XKR6: variants seen among roughly 807,000 people sequenced by gnomAD.
XKR6 encodes the protein XK related 6, also known as XK-related protein 6.
A neutral mutation model predicts 56.7 loss-of-function variants in XKR6; 22 were observed. The observed-to-expected ratio is 0.39, with a 90% CI of 0.28 to 0.55. The LOEUF is 0.55. Among genes scored for constraint, XKR6 ranks in the 20% least tolerant of loss-of-function variants. The pLI, the probability that XKR6 is intolerant of heterozygous loss-of-function variation, is 0.66. For synonymous variants in XKR6, 524 were observed against 387.8 expected (o/e 1.35, Z -4.13); for missense variants, 852 against 889.0 (o/e 0.96, Z 0.53).
intron 1 of XKR6, among the ~76,000 whole-genome samples, chr8:11,041,022 G>A (rs1376379191): frequency 1.3e-5 from 2 of 151,942 alleles, no homozygotes; most frequent in East Asian, 1.9e-4. Flanking sequence ...GGGACCTAGG[G>A]GCAATGTGGA....
At chr8:10,965,758 A>G (rs183482260) in intron 1 of XKR6, among the ~76,000 whole-genome samples, 2 of 152,328 alleles carry the variant, frequency 1.3e-5, no homozygotes, top group East Asian at 3.9e-4. Context: ...CTTACTCCGC[A>G]CAAAATACGA....
At position 11,073,546 on chromosome 8, in the gene XKR6, G is replaced by C. The variant is rs139862372; in HGVS notation, c.764+127030C>G. Among the ~76,000 whole-genome samples the C allele has an allele frequency of 8.5e-5, 13 of 152,290 alleles. No individual in the cohort carries two copies. In the South Asian group the frequency reaches 2.3e-3, roughly 27 times the overall value. On this transcript the variant is annotated intron_variant, in intron 1 of 2. Transcript: ENST00000416569. ...GTTCCTTTGAAACAGCCCAGATTTA[G>C]TCTTTCGCTGTAACATATGCACTGA...
chr8:11,062,848 A>T, intron 1 of XKR6: 1 of 456,222 alleles, frequency 2.2e-6, no homozygotes, highest in Non-Finnish European at 4.4e-6. Flanking sequence ...CCTGAGTTCT[A>T]GCCAATGGGA....
chr8:11,084,098 C>T lies in XKR6; in HGVS notation c.764+116478G>A, dbSNP rs181503602. 2.6e-3 allele frequency among the ~76,000 whole-genome samples: 397 copies of T among 152,352 alleles called. 1 individual carries two copies. Among genetic ancestry groups the T allele is most frequent in the Non-Finnish European group, 3.6e-3 (243 of 68,036 alleles). On this transcript the variant is annotated intron_variant, in intron 1 of 2. Transcript: ENST00000416569. Reference sequence around the variant, plus strand: ...ATGGCTTTGGATACTTTCCTCTAAGCCTCAGTTTCCACAATGATACACTAA... The same window carrying T: ...ATGGCTTTGGATACTTTCCTCTAAGTCTCAGTTTCCACAATGATACACTAA...
intron 1 of XKR6, among the ~76,000 whole-genome samples, chr8:10,961,334 G>T (rs1337247667): frequency 2.0e-5 from 3 of 152,220 alleles, no homozygotes; most frequent in Admixed American, 1.3e-4. Context: ...CAGGCAAGAG[G>T]AGGTGGCGGC....
intron 2 of XKR6, among the ~76,000 whole-genome samples, chr8:10,911,199 CGTGTGTGTGTGTGTGTGT>C (rs745616432): frequency 7.9e-6 from 1 of 126,284 alleles, no homozygotes; most frequent in African/African-American, 3.0e-5. Context: ...AGAGGGTGTG[CGTGTGTGTGTGTGTGTGT>C]GTGTGTGTGT....
chr8:11,154,561 A>C (rs138513970), intron 1 of XKR6, among the ~76,000 whole-genome samples: 259 of 152,278 alleles, frequency 1.7e-3, no homozygotes, highest in African/African-American at 5.6e-3. Flanking sequence ...AAATTGTCAG[A>C]CCTGAAGGTG....
rs560617754 is a variant in XKR6, at chr8:11,051,516, G to C, written c.765-126686C>G. On this transcript the variant is annotated intron_variant, in intron 1 of 2. Transcript: ENST00000416569. ...CTTCGGGCTTCCCCAGCGGAGTAAA[G>C]GACACCATCACATTATCCAGTTGCT... Among the ~76,000 whole-genome samples, 6 of 152,260 alleles carry C rather than the reference G, an allele frequency of 3.9e-5. No individual in the cohort carries two copies. In the South Asian group the frequency reaches 8.3e-4, roughly 21 times the overall value.
chr8:10,982,840 C>G (rs947745357), intron 1 of XKR6, among the ~76,000 whole-genome samples: 4 of 152,124 alleles, frequency 2.6e-5, no homozygotes, highest in Admixed American at 6.6e-5. Flanking sequence ...AGAGCGCAGC[C>G]CCAGGGAGGC....
chr8:11,103,951 G>C (rs1379580805), intron 1 of XKR6, among the ~76,000 whole-genome samples: 1 of 152,206 alleles, frequency 6.6e-6, no homozygotes, highest in Non-Finnish European at 1.5e-5. Flanking sequence ...GCTGACAGCT[G>C]TCGTACCCTT....
chr8:11,008,632 C>T (rs1248405150), intron 1 of XKR6, among the ~76,000 whole-genome samples: 1 of 151,964 alleles, frequency 6.6e-6, no homozygotes, highest in Non-Finnish European at 1.5e-5. Context: ...CCAGGTTGGG[C>T]TCAAACTCTT....
chr8:10,979,533 C>A (rs934493722), intron 1 of XKR6, among the ~76,000 whole-genome samples: 1 of 152,156 alleles, frequency 6.6e-6, no homozygotes, highest in Non-Finnish European at 1.5e-5. Context: ...GAAAGACCCC[C>A]GACCCTCTAG....
At chr8:10,921,403 A>G (rs1249810532) in intron 2 of XKR6, among the ~76,000 whole-genome samples, 1 of 152,208 alleles carries the variant, frequency 6.6e-6, no homozygotes, top group East Asian at 1.9e-4. Flanking sequence ...GGCGGGTGGT[A>G]CCATGAGGAT....
chr8:11,033,690 G>A (rs1009391666), intron 1 of XKR6, among the ~76,000 whole-genome samples: 4 of 151,994 alleles, frequency 2.6e-5, no homozygotes, highest in Admixed American at 6.5e-5. Flanking sequence ...CCCCAAAGTC[G>A]ACCTGAAACA....
At chr8:11,017,676 G>C (rs1472479407) in intron 1 of XKR6, among the ~76,000 whole-genome samples, 1 of 152,228 alleles carries the variant, frequency 6.6e-6, no homozygotes, top group Non-Finnish European at 1.5e-5. Context: ...CCCTGGGAGA[G>C]GGCAGGGAGG....
chr8:11,199,545 AT>A (rs936916364), intron 1 of XKR6, among the ~76,000 whole-genome samples: 39 of 152,162 alleles, frequency 2.6e-4, no homozygotes, highest in African/African-American at 6.5e-4. Context: ...CTTCAGTAAG[AT>A]TTTTTTCTCT....
chr8:11,130,647 A>G (rs1214394336), intron 1 of XKR6, among the ~76,000 whole-genome samples: 1 of 151,798 alleles, frequency 6.6e-6, no homozygotes, highest in Non-Finnish European at 1.5e-5. Flanking sequence ...TCCCCACCTA[A>G]GGATGATGTA....
intron 1 of XKR6, among the ~76,000 whole-genome samples, chr8:11,002,103 G>A (rs1054865037): frequency 2.7e-5 from 4 of 150,368 alleles, no homozygotes; most frequent in African/African-American, 9.8e-5. Flanking sequence ...CCTCCTTCCA[G>A]GTCCCTGCCA....
intron 1 of XKR6, among the ~76,000 whole-genome samples, chr8:11,184,102 G>C (rs867165773): frequency 2.6e-4 from 39 of 152,068 alleles, no homozygotes; most frequent in African/African-American, 6.5e-4. Context: ...CTCATACATA[G>C]TGTATATTTG....
Sources: gnomAD v4.1 joint callset for allele counts (sites outside exome capture counted in the v4.1 genomes callset) on GRCh38, gnomAD v4.1.1 for gene constraint, MANE v1.5 for transcripts, NCBI Gene and HGNC (gene_info 2026-07-23, HGNC 2026-07-21) for gene names.